The following ZNF76 variants were observed in gnomAD, a reference collection of about 807,000 sequenced individuals.
The protein encoded by ZNF76 is zinc finger protein 523.
A neutral mutation model predicts 66.9 loss-of-function variants in ZNF76; 66 were observed. The ratio of observed to expected loss-of-function variants is 0.99; its 90% CI spans 0.81 to 1.21. ZNF76 has a LOEUF of 1.21. Among genes scored for constraint, ZNF76 ranks in the 50% most tolerant of loss-of-function variants. The pLI, the probability that ZNF76 is intolerant of heterozygous loss-of-function variation, is 0.00. For missense variants in ZNF76, 729 were observed against 760.3 expected (o/e 0.96, Z 0.48); for synonymous variants, 275 against 296.1 (o/e 0.93, Z 0.73).
Position 35,292,204 on chromosome 6 carries a change from A to G in ZNF76, c.932-350A>G, listed in dbSNP as rs1027221271. On this transcript the variant is annotated intron_variant, in intron 9 of 13. Transcript: ENST00000373953. This position sits in a 1 kb window ranked among gnomAD's most constrained non-coding sequence, Gnocchi z 4.7. ...TGTGTGTCCCCTCTTTCCCATCACAACTGATACTTCAGTCATCCTTGCCTC... is the reference window on the plus strand; with the variant it reads ...TGTGTGTCCCCTCTTTCCCATCACAGCTGATACTTCAGTCATCCTTGCCTC... 9 of 429,182 alleles carry G rather than the reference A, an allele frequency of 2.1e-5. No homozygotes were observed. Among genetic ancestry groups the G allele is most frequent in the African/African-American group, 1.8e-4 (9 of 50,002 alleles). The allele number at this position is 429,182 out of a possible 1,614,324, so 26.6% of individuals were successfully genotyped here.
At chr6:35,285,200 T>C (rs1463871166) in intron 2 of ZNF76, among the ~76,000 whole-genome samples, 1 of 152,264 alleles carries the variant, frequency 6.6e-6, no homozygotes, top group Non-Finnish European at 1.5e-5. Context: ...ATTTTTATGC[T>C]GCTTGTTGTG....
intron 1 of ZNF76, among the ~76,000 whole-genome samples, chr6:35,279,977 A>T (rs920310088): frequency 4.0e-5 from 6 of 149,152 alleles, no homozygotes; most frequent in Non-Finnish European, 8.9e-5. Flanking sequence ...GATTGCAGGC[A>T]TGTGCCACTA....
chr6:35,291,636 G>A lies in ZNF76; in HGVS notation c.830G>A (p.Arg277His), dbSNP rs571965399. The A allele has an allele frequency of 1.3e-5, 21 of 1,613,928 alleles. No individual in the cohort carries two copies. Among genetic ancestry groups the A allele is most frequent in the South Asian group, 5.5e-5 (5 of 91,090 alleles). ...TTSNIRKVHV[R>H]THTGERPYTC... Reference sequence around the variant, plus strand: ...TCTAACATCCGCAAGGTACATGTGCGCACCCACACAGGCGAGAGGCCCTAC... The same window carrying A: ...TCTAACATCCGCAAGGTACATGTGCACACCCACACAGGCGAGAGGCCCTAC... The change falls in exon 9 of 14, where the codon CGC becomes CAC. Residue 277 changes from arginine (R) to histidine (H), a missense_variant. Arg to His is a conservative substitution (Grantham distance 29). Coordinates refer to ENST00000373953, the MANE Select transcript of ZNF76 (RefSeq NM_003427.5).
In ZNF76 at chr6:35,286,314, C is replaced by G. The variant is rs1357139394; in HGVS notation, c.155-8C>G. ...TCCAGGGAAAGGCAGGCATTGCTCTCGTTACAGAAGCTCTCTCCTTTGAGG... is the reference window on the plus strand; with the variant it reads ...TCCAGGGAAAGGCAGGCATTGCTCTGGTTACAGAAGCTCTCTCCTTTGAGG... On this transcript the variant is annotated splice_region_variant and splice_polypyrimidine_tract_variant and intron_variant, in intron 3 of 13. Coordinates refer to ENST00000373953, the MANE Select transcript of ZNF76 (RefSeq NM_003427.5). The G allele has an allele frequency of 6.2e-7, 1 of 1,614,184 alleles. No individual in the cohort carries two copies. The highest frequency in any genetic ancestry group is 1.3e-5 in the African/African-American group (1 of 75,060).
intron 1 of ZNF76, among the ~76,000 whole-genome samples, chr6:35,260,155 C>T (rs13198880): frequency 6.6e-6 from 1 of 152,126 alleles, no homozygotes; most frequent in Non-Finnish European, 1.5e-5. Flanking sequence ...TCATTGGCTG[C>T]TAACCCAGGA....
intron 8 of ZNF76, 43 bp downstream of exon 8, chr6:35,291,446 A>G: frequency 6.2e-7 from 1 of 1,613,648 alleles, no homozygotes. Flanking sequence ...CCCTGGGCAA[A>G]AGGAATTCAG....
chr6:35,293,601 C>T, intron 11 of ZNF76, 150 bp from the exon 12 acceptor site: 1 of 853,996 alleles, frequency 1.2e-6, no homozygotes, highest in Non-Finnish European at 1.8e-6. Flanking sequence ...ACCTTGGACC[C>T]ATTTTGTTTG....
At chr6:35,275,935 T>G (rs1205513297) in intron 1 of ZNF76, among the ~76,000 whole-genome samples, 2 of 152,076 alleles carry the variant, frequency 1.3e-5, no homozygotes, top group African/African-American at 4.8e-5. Flanking sequence ...CCAGTCACAG[T>G]GAATTAGCAG....
intron 1 of ZNF76, among the ~76,000 whole-genome samples, chr6:35,271,190 C>T (rs575785721): frequency 6.6e-6 from 1 of 152,266 alleles, no homozygotes; most frequent in East Asian, 1.9e-4. Flanking sequence ...GCCATTTTCA[C>T]GCATGTCCAT....
At chr6:35,271,557 C>A (rs1034181402) in intron 1 of ZNF76, among the ~76,000 whole-genome samples, 6 of 151,906 alleles carry the variant, frequency 3.9e-5, no homozygotes, top group African/African-American at 1.5e-4. Flanking sequence ...GTAGTCTCAG[C>A]TACTTGGGAG....
chr6:35,263,068 C>T (rs1785480956), intron 1 of ZNF76, among the ~76,000 whole-genome samples: 3 of 152,206 alleles, frequency 2.0e-5, no homozygotes, highest in African/African-American at 7.2e-5. Flanking sequence ...ATCTCCAGGG[C>T]CATGCGTATG....
chr6:35,287,714 C>T lies in ZNF76; in HGVS notation c.301C>T (p.Pro101Ser), dbSNP rs1405683116. The T allele has an allele frequency of 6.2e-7, 1 of 1,614,116 alleles. No individual in the cohort carries two copies. The highest frequency in any genetic ancestry group is 1.3e-5 in the African/African-American group (1 of 74,952). Reference protein sequence around the residue: ...EDGSTAYIHHPVAVPSESTIL... With the variant: ...EDGSTAYIHHSVAVPSESTIL... ...TGGCTCCACTGCCTACATTCACCAC[C>T]CTGTGGCTGTGCCATCGGAGAGCAC... The change falls in exon 5 of 14, where the codon CCT becomes TCT. Residue 101 changes from proline to serine, a missense_variant. Coordinates refer to ENST00000373953, the MANE Select transcript of ZNF76 (RefSeq NM_003427.5). The surrounding 1 kb of genome is among the most constrained non-coding windows in gnomAD (Gnocchi z 4.0).
rs562828252 is a variant in ZNF76, at chr6:35,292,100, C to T, written c.931+363C>T. ...GTCACCTTCAACTCCTCACCTTATC[C>T]GCCGTCCATGACTCCTGTGTATCCT... On this transcript the variant is annotated intron_variant, in intron 9 of 13. Transcript: ENST00000373953. This position sits in a 1 kb window ranked among gnomAD's most constrained non-coding sequence, Gnocchi z 4.7. The T allele has an allele frequency of 1.9e-5, 8 of 422,202 alleles. No homozygotes were observed. The highest frequency in any genetic ancestry group is 4.0e-5 in the African/African-American group (2 of 49,928). 26.2% of individuals were successfully genotyped at this position (422,202 alleles called of 1,614,324 possible). A position where few individuals can be genotyped will look rare whatever the true frequency, so the allele number is the denominator to read the frequency against.
intron 2 of ZNF76, among the ~76,000 whole-genome samples, chr6:35,283,313 T>C (rs1582135116): frequency 6.6e-6 from 1 of 152,274 alleles, no homozygotes; most frequent in Middle Eastern, 3.4e-3. Flanking sequence ...AGGGTAGAGC[T>C]CTCCTTCAGA....
intron 1 of ZNF76, among the ~76,000 whole-genome samples, chr6:35,272,326 A>G (rs932957611): frequency 3.3e-5 from 5 of 152,154 alleles, no homozygotes; most frequent in African/African-American, 1.2e-4. Flanking sequence ...TAAATTAGCC[A>G]GGCTTGGTAG....
chr6:35,260,440 A>G (rs192491910), intron 1 of ZNF76, among the ~76,000 whole-genome samples: 77 of 152,214 alleles, frequency 5.1e-4, no homozygotes, highest in Non-Finnish European at 1.1e-3. Context: ...CTGTAGCCGT[A>G]TGACCCTCGT....
intron 7 of ZNF76, 173 bp from the exon 8 acceptor site, chr6:35,291,105 G>A (rs1370970437): frequency 2.6e-6 from 2 of 758,868 alleles, no homozygotes; most frequent in Admixed American, 2.9e-5. Context: ...CTCCTGGAGA[G>A]GGAAGCAGGG....
chr6:35,267,940 T>C (rs1279532429), intron 1 of ZNF76, among the ~76,000 whole-genome samples: 1 of 152,246 alleles, frequency 6.6e-6, no homozygotes, highest in African/African-American at 2.4e-5. Flanking sequence ...CAACATTTAC[T>C]TCCTTGCCAG....
Position 35,287,644 on chromosome 6 carries a change from A to C in ZNF76, c.233-2A>C, listed in dbSNP as rs757877078. 2 of 1,606,758 alleles carry C rather than the reference A, an allele frequency of 1.2e-6. No individual in the cohort carries two copies. The highest frequency in any genetic ancestry group is 8.5e-7 in the Non-Finnish European group (1 of 1,175,600). Reference sequence around the variant, plus strand: ...TCAGGGCTAACCGCGTGTTCCCTGCAGAAGGCTATGACCCCAGCACCCTGG... The same window carrying C: ...TCAGGGCTAACCGCGTGTTCCCTGCCGAAGGCTATGACCCCAGCACCCTGG... On this transcript the variant is annotated splice_acceptor_variant, in intron 4 of 13. Transcript: ENST00000373953. LOFTEE classifies it high-confidence loss of function. The surrounding 1 kb of genome is among the most constrained non-coding windows in gnomAD (Gnocchi z 4.0).
Sources: gnomAD v4.1 joint callset for allele counts (sites outside exome capture counted in the v4.1 genomes callset) on GRCh38, gnomAD v4.1.1 for gene constraint, Gnocchi (gnomAD v3.1) non-coding constraint, MANE v1.5 for transcripts, NCBI Gene and HGNC (gene_info 2026-07-23, HGNC 2026-07-21) for gene names.